Variants in CNKSR2 observed in about 807,000 individuals in gnomAD.
The protein encoded by CNKSR2 is CNK homolog protein 2.
A neutral mutation model predicts 84.4 loss-of-function variants in CNKSR2; 14 were observed. The observed-to-expected ratio is 0.17, with a 90% CI of 0.11 to 0.26. The LOEUF is 0.26. Ranked by LOEUF, CNKSR2 falls within the 10% of genes least tolerant of loss-of-function variation. CNKSR2 has a pLI of 1.00. For missense variants in CNKSR2, 485 were observed against 771.2 expected (o/e 0.63, Z 4.40); for synonymous variants, 275 against 277.9 (o/e 0.99, Z 0.10).
intron 11 of CNKSR2, among the ~76,000 whole-genome samples, chrX:21,540,684 C>G (rs1008165362): frequency 4.5e-5 from 5 of 111,706 alleles, no homozygotes; most frequent in African/African-American, 1.6e-4. Context: ...CACAAAAACC[C>G]TTACCTTGAA....
intron 11 of CNKSR2, among the ~76,000 whole-genome samples, chrX:21,560,648 A>G (rs1376384173): frequency 2.7e-5 from 3 of 111,644 alleles, no homozygotes; most frequent in Non-Finnish European, 5.7e-5. Flanking sequence ...GCATTTTGCT[A>G]GGTATCCTGT....
chrX:21,552,421 T>G (rs1023483713), intron 11 of CNKSR2, among the ~76,000 whole-genome samples: 21 of 112,258 alleles, frequency 1.9e-4, no homozygotes, highest in Non-Finnish European at 3.9e-4. Context: ...TTTGGTCACA[T>G]AATACTTACC....
At chrX:21,410,605 C>A (rs1333483904) in intron 1 of CNKSR2, among the ~76,000 whole-genome samples, 2 of 111,071 alleles carry the variant, frequency 1.8e-5, no homozygotes, top group Non-Finnish European at 3.8e-5. Context: ...TTCTTTTTAT[C>A]CTAACATTAA....
chrX:21,425,857 A>G (rs947071953), intron 1 of CNKSR2: 3 of 111,740 alleles, frequency 2.7e-5, no homozygotes, highest in African/African-American at 9.8e-5. Context: ...TAAGGAGCGC[A>G]TCACAGGTGA....
At chrX:21,421,743 T>A in intron 1 of CNKSR2, 1 of 110,563 alleles carries the variant, frequency 9.0e-6, no homozygotes. Context: ...GGATCATCAC[T>A]AGGAGGGCAG....
intron 17 of CNKSR2, among the ~76,000 whole-genome samples, chrX:21,599,690 A>T (rs778969482): frequency 9.0e-6 from 1 of 111,152 alleles, no homozygotes; most frequent in East Asian, 2.8e-4. Context: ...TAAAGTAGTA[A>T]AGATAAGGCA....
At chrX:21,490,191 G>C (rs1014650762) in intron 5 of CNKSR2, among the ~76,000 whole-genome samples, 3 of 111,192 alleles carry the variant, frequency 2.7e-5, no homozygotes, top group African/African-American at 9.8e-5. Context: ...TTGTAGGTAT[G>C]GTAAATCAAA....
intron 3 of CNKSR2, among the ~76,000 whole-genome samples, chrX:21,435,484 A>G (rs891930949): frequency 9.0e-6 from 1 of 111,727 alleles, no homozygotes; most frequent in South Asian, 3.7e-4. Context: ...CATTTCCTAA[A>G]TAAGATAAAA....
intron 21 of CNKSR2, among the ~76,000 whole-genome samples, chrX:21,650,145 G>A (rs1356577711): frequency 9.0e-6 from 1 of 111,161 alleles, no homozygotes; most frequent in Non-Finnish European, 1.9e-5. Flanking sequence ...TTGTGGCACT[G>A]TTCACAATAG....
chrX:21,505,847 A>G (rs903667371), intron 8 of CNKSR2: 1 of 111,687 alleles, frequency 9.0e-6, no homozygotes, highest in Non-Finnish European at 1.9e-5. Context: ...ATATTGTCTA[A>G]CAGCAGATGT....
chrX:21,645,644 T>A (rs1298181743), intron 20 of CNKSR2: 1 of 110,872 alleles, frequency 9.0e-6, no homozygotes, highest in African/African-American at 3.3e-5. Flanking sequence ...TGAAAGAAAG[T>A]CAATCAGGAA....
At chrX:21,390,792 A>G (rs909144884) in intron 1 of CNKSR2, among the ~76,000 whole-genome samples, 1 of 112,107 alleles carries the variant, frequency 8.9e-6, no homozygotes, top group African/African-American at 3.2e-5. Context: ...TTAAAAGTCT[A>G]CAGTCCAAAG....
intron 20 of CNKSR2, among the ~76,000 whole-genome samples, chrX:21,611,222 A>C (rs2147287411): frequency 8.9e-6 from 1 of 112,703 alleles, no homozygotes; most frequent in African/African-American, 3.2e-5. Flanking sequence ...GATGAGTTAG[A>C]AACTTCATTT....
intron 11 of CNKSR2, among the ~76,000 whole-genome samples, chrX:21,548,725 G>A (rs889847768): frequency 1.8e-5 from 2 of 111,666 alleles, no homozygotes; most frequent in African/African-American, 6.5e-5. Context: ...TATCCACCAC[G>A]ATCAAGTCGG....
chrX:21,459,133 C>A (rs1398081247), intron 4 of CNKSR2, among the ~76,000 whole-genome samples: 2 of 107,783 alleles, frequency 1.9e-5, no homozygotes, highest in Non-Finnish European at 3.8e-5. Context: ...AGTGATTCTC[C>A]TGCCTCAGCC....
At chrX:21,416,856 T>G (rs183008979) in intron 1 of CNKSR2, among the ~76,000 whole-genome samples, 9 of 111,657 alleles carry the variant, frequency 8.1e-5, no homozygotes, top group Admixed American at 1.9e-4. Context: ...TTTGTCAACT[T>G]TAACTTTTCA....
intron 1 of CNKSR2, among the ~76,000 whole-genome samples, chrX:21,377,332 A>G (rs936740316): frequency 5.3e-5 from 6 of 112,239 alleles, no homozygotes; most frequent in Admixed American, 9.4e-5. Context: ...TGTTACCTTA[A>G]TTTTTCTCTC....
At chrX:21,476,887 G>A (rs2091265902) in intron 5 of CNKSR2, among the ~76,000 whole-genome samples, 1 of 111,915 alleles carries the variant, frequency 8.9e-6, no homozygotes, top group Admixed American at 9.5e-5. Flanking sequence ...TTCTCTGGCA[G>A]GTTAGAGCCC....
At chrX:21,383,545 A>G (rs2089928069) in intron 1 of CNKSR2, among the ~76,000 whole-genome samples, 1 of 112,486 alleles carries the variant, frequency 8.9e-6, no homozygotes. Flanking sequence ...AGTATAGCAT[A>G]CATGACTCTT....
Sources: allele counts gnomAD v4.1 joint callset (sites outside exome capture counted in the v4.1 genomes callset), GRCh38; gene constraint gnomAD v4.1.1; transcripts MANE v1.5; gene names NCBI Gene and HGNC (gene_info 2026-07-23, HGNC 2026-07-21).